The following CLASP2 variants were observed in gnomAD, a reference collection of about 807,000 sequenced individuals.
CLASP2 encodes CLIP-associating protein 2.
In CLASP2, 47 loss-of-function variants were observed where a neutral mutation model predicts 194.4. The ratio of observed to expected loss-of-function variants is 0.24; its 90% CI spans 0.19 to 0.31. The LOEUF is 0.31. Among genes scored for constraint, CLASP2 ranks in the 10% least tolerant of loss-of-function variants. The pLI, the probability that CLASP2 is intolerant of heterozygous loss-of-function variation, is 1.00. For synonymous variants in CLASP2, 619 were observed against 633.5 expected (o/e 0.98, Z 0.34); for missense variants, 1,445 against 1,823.6 (o/e 0.79, Z 3.78).
chr3:33,581,804 C>G lies in CLASP2; in HGVS notation c.2347+17G>C, dbSNP rs761558179. 2 of 1,582,010 alleles carry G rather than the reference C, an allele frequency of 1.3e-6. No homozygotes were observed. The highest frequency in any genetic ancestry group is 1.7e-6 in the Non-Finnish European group (2 of 1,152,752). Reference sequence around the variant, plus strand: ...CCATGGATAAGCAATGCACATAACACCTGCCCGAATACGTACCGAGGGGCT... The same window carrying G: ...CCATGGATAAGCAATGCACATAACAGCTGCCCGAATACGTACCGAGGGGCT... On this transcript the variant is annotated intron_variant, in intron 23 of 38. Transcript: ENST00000682230.
At chr3:33,658,867 T>C in intron 7 of CLASP2, 1 of 999,330 alleles carries the variant, frequency 1.0e-6, no homozygotes, top group Non-Finnish European at 1.5e-6. Context: ...AACACACAAG[T>C]GTCCTTCATT....
intron 10 of CLASP2, among the ~76,000 whole-genome samples, chr3:33,626,389 T>TA (rs2154287177): frequency 6.6e-6 from 1 of 152,268 alleles, no homozygotes; most frequent in South Asian, 2.1e-4. Context: ...TTCACAAATT[T>TA]AAAAAATATA....
chr3:33,596,776 A>G lies in CLASP2; in HGVS notation c.1925-42T>C, dbSNP rs1171006607. ...AGCAAAGAACAGAGGAAAACTTAGTATATTAGAAGAAATGATTTTTATAAT... is the reference window on the plus strand; with the variant it reads ...AGCAAAGAACAGAGGAAAACTTAGTGTATTAGAAGAAATGATTTTTATAAT... On this transcript the variant is annotated intron_variant, in intron 18 of 38. Coordinates refer to ENST00000682230, the MANE Select transcript of CLASP2 (RefSeq NM_001365631.1). 2.7e-6 allele frequency: 4 copies of G among 1,454,618 alleles called. No homozygotes were observed. The African/African-American group carries it at 4.3e-5, about 15-fold the overall frequency. The allele number at this position is 1,454,618 out of a possible 1,614,324, so 90.1% of individuals were successfully genotyped here. A position where few individuals can be genotyped will look rare whatever the true frequency, so the allele number is the denominator to read the frequency against.
intron 2 of CLASP2, among the ~76,000 whole-genome samples, chr3:33,695,508 A>C (rs1373481646): frequency 6.6e-6 from 1 of 152,170 alleles, no homozygotes; most frequent in Non-Finnish European, 1.5e-5. Flanking sequence ...TCTGTTGAAA[A>C]GATAACTAGA....
intron 8 of CLASP2, among the ~76,000 whole-genome samples, chr3:33,642,672 C>T (rs1399498028): frequency 2.6e-5 from 4 of 151,984 alleles, no homozygotes; most frequent in African/African-American, 7.2e-5. Context: ...AAACTTTCTA[C>T]AACCAATTTA....
intron 21 of CLASP2, among the ~76,000 whole-genome samples, chr3:33,590,027 T>A (rs1210371901): frequency 6.6e-6 from 1 of 152,154 alleles, no homozygotes; most frequent in Non-Finnish European, 1.5e-5. Flanking sequence ...ACAAAAGCAG[T>A]CTAAAATTCA....
Position 33,713,514 on chromosome 3 carries a change from A to G in CLASP2, c.195+4294T>C, listed in dbSNP as rs146784886. On this transcript the variant is annotated intron_variant, in intron 1 of 38. Transcript: ENST00000682230. The stretch of plus-strand genomic sequence containing the variant: ...CTCTTTTGGCAAACTAAAAAATGGC[A>G]TATTTCTTAATAGTTTATAGGATAT... Among the ~76,000 whole-genome samples the G allele has an allele frequency of 3.7e-3, 571 of 152,308 alleles. 2 individuals carry two copies. Among genetic ancestry groups the G allele is most frequent in the African/African-American group, 0.013 (542 of 41,562 alleles).
chr3:33,622,400 TA>T, intron 10 of CLASP2, 120 bp from the exon 11 acceptor site: 1 of 629,240 alleles, frequency 1.6e-6, no homozygotes, highest in Non-Finnish European at 2.4e-6. Context: ...AATGTTTCAT[TA>T]CATTACTATA....
intron 37 of CLASP2, among the ~76,000 whole-genome samples, chr3:33,508,565 G>A (rs1279397406): frequency 6.6e-6 from 1 of 152,192 alleles, no homozygotes; most frequent in African/African-American, 2.4e-5. Flanking sequence ...CTGACCTCAA[G>A]TGACCTGCCC....
chr3:33,576,334 G>A (rs1313211143), intron 23 of CLASP2, 59 bp from the exon 24 acceptor site: 2 of 1,391,706 alleles, frequency 1.4e-6, no homozygotes. Context: ...ACAGTGTCAG[G>A]TTGGGAAACT....
chr3:33,539,020 T>C (rs1576117180), intron 32 of CLASP2, 78 bp from the exon 33 acceptor site: 3 of 1,054,090 alleles, frequency 2.8e-6, no homozygotes, highest in African/African-American at 3.2e-5. Context: ...TATATAAGGA[T>C]ATTTATAAAG....
At chr3:33,537,236 A>C (rs1382009870) in intron 33 of CLASP2, among the ~76,000 whole-genome samples, 1 of 152,136 alleles carries the variant, frequency 6.6e-6, no homozygotes, top group Admixed American at 6.5e-5. Flanking sequence ...GATTCCTACT[A>C]ATCTGTTATT....
rs749539018 is a variant in CLASP2 at position 33,560,849 on chromosome 3, T to C, written c.2889A>G (p.Gly963=). ...CTTTCTGAACTTTTGCCTGAACAGA[T>C]CCAAGCAAATCAGCACCCATTTTTT... The part of the protein sequence containing the change: ...LLKKMGADLL[G]SVQAKVQKAL... The change falls in exon 28 of 39, where the codon GGA becomes GGG. Residue 963 remains glycine, a synonymous_variant. Coordinates refer to ENST00000682230, the MANE Select transcript of CLASP2 (RefSeq NM_001365631.1). 6 of 1,613,830 alleles carry C rather than the reference T, an allele frequency of 3.7e-6. No individual in the cohort carries two copies. The East Asian group carries it at 1.1e-4, about 30-fold the overall frequency.
rs111609354 is a variant in CLASP2 at position 33,655,216 on chromosome 3, C to T, written c.715+8229G>A. ...TATATGTACAAAGAAAACATGTAAA[C>T]CTTTTCTTGAAGATTCAAGTTTATT... On this transcript the variant is annotated intron_variant, in intron 7 of 38. Transcript: ENST00000682230. Among the ~76,000 whole-genome samples, 1,470 of 152,160 alleles carry T rather than the reference C, an allele frequency of 9.7e-3. 12 individuals carry two copies. Among genetic ancestry groups the T allele is most frequent in the South Asian group, 0.03 (144 of 4,810 alleles).
chr3:33,624,192 T>C (rs1285850488), intron 10 of CLASP2, among the ~76,000 whole-genome samples: 1 of 152,184 alleles, frequency 6.6e-6, no homozygotes, highest in Non-Finnish European at 1.5e-5. Flanking sequence ...CACACCATTA[T>C]TGTATATAAT....
At chr3:33,500,186 C>T (rs999607247) in intron 38 of CLASP2, among the ~76,000 whole-genome samples, 1 of 152,072 alleles carries the variant, frequency 6.6e-6, no homozygotes, top group South Asian at 2.1e-4. Context: ...GCACATGCAA[C>T]CATGCTTGGC....
chr3:33,529,161 A>T (rs2055464879), intron 34 of CLASP2, among the ~76,000 whole-genome samples: 1 of 152,220 alleles, frequency 6.6e-6, no homozygotes, highest in Non-Finnish European at 1.5e-5. Flanking sequence ...ACACTGCTCA[A>T]AGAAATCAGA....
At chr3:33,561,032 C>A in intron 27 of CLASP2, 61 bp from the exon 28 acceptor site, 3 of 1,411,712 alleles carry the variant, frequency 2.1e-6, no homozygotes, top group South Asian at 2.6e-5. Flanking sequence ...CCTCTATGTT[C>A]AATTCAAAGC....
At chr3:33,563,752 A>C (rs954225297) in intron 27 of CLASP2, among the ~76,000 whole-genome samples, 1 of 152,168 alleles carries the variant, frequency 6.6e-6, no homozygotes, top group African/African-American at 2.4e-5. Context: ...TTACCATCAG[A>C]TTGTGATATG....
Sources: allele counts gnomAD v4.1 joint callset (sites outside exome capture counted in the v4.1 genomes callset), GRCh38; gene constraint gnomAD v4.1.1; transcripts MANE v1.5; gene names NCBI Gene and HGNC (gene_info 2026-07-23, HGNC 2026-07-21).